Variants in BMPR2 observed in about 807,000 individuals in gnomAD.
BMPR2 encodes bone morphogenetic protein receptor type 2, also known as bone morphogenetic protein receptor type-2.
BMPR2 carries 29 observed loss-of-function variants against 100.8 expected under a neutral mutation model. The ratio of observed to expected loss-of-function variants is 0.29; its 90% CI spans 0.21 to 0.39. BMPR2 has a LOEUF of 0.39. Ranked by LOEUF, BMPR2 falls within the 10% of genes least tolerant of loss-of-function variation. The pLI, the probability that BMPR2 is intolerant of heterozygous loss-of-function variation, is 1.00. For synonymous variants in BMPR2, 382 were observed against 442.3 expected (o/e 0.86, Z 1.71); for missense variants, 1,011 against 1,274.5 (o/e 0.79, Z 3.15).
In BMPR2 at chr2:202,398,944, C is replaced by T. The variant is rs147983817; in HGVS notation, c.76+21394C>T. ...GGGAGTTCGAGATCAGTGTGATCAACATTGAGAAACCCCGTCTCTACTAAA... is the reference window on the plus strand; with the variant it reads ...GGGAGTTCGAGATCAGTGTGATCAATATTGAGAAACCCCGTCTCTACTAAA... On this transcript the variant is annotated intron_variant, in intron 1 of 12. Transcript: ENST00000374580. Among the ~76,000 whole-genome samples, 38 of 152,166 alleles carry T rather than the reference C, an allele frequency of 2.5e-4. No individual in the cohort carries two copies. In the East Asian group the frequency reaches 3.9e-3, roughly 15 times the overall value.
intron 3 of BMPR2, among the ~76,000 whole-genome samples, chr2:202,477,124 G>A (rs1445108729): frequency 6.6e-6 from 1 of 152,096 alleles, no homozygotes; most frequent in East Asian, 1.9e-4. Flanking sequence ...TAGCCTCTGT[G>A]CATCAATTAC....
At chr2:202,453,438 A>G (rs1238708138) in intron 1 of BMPR2, among the ~76,000 whole-genome samples, 1 of 152,182 alleles carries the variant, frequency 6.6e-6, no homozygotes, top group East Asian at 1.9e-4. Context: ...GAATGAATAA[A>G]GAAAATGTGG....
At chr2:202,388,612 G>A (rs771297759) in intron 1 of BMPR2, among the ~76,000 whole-genome samples, 2 of 151,186 alleles carry the variant, frequency 1.3e-5, no homozygotes, top group South Asian at 2.1e-4. Flanking sequence ...GTGAAACCCC[G>A]TCTCTACAAC....
intron 1 of BMPR2, among the ~76,000 whole-genome samples, chr2:202,435,388 T>C (rs1448804875): frequency 1.4e-5 from 2 of 139,066 alleles, no homozygotes; most frequent in African/African-American, 5.7e-5. Flanking sequence ...TATATATATA[T>C]ATATATATAT....
At chr2:202,493,442 C>T (rs929275064) in intron 3 of BMPR2, among the ~76,000 whole-genome samples, 2 of 151,904 alleles carry the variant, frequency 1.3e-5, no homozygotes, top group Non-Finnish European at 2.9e-5. Context: ...CTTTATTCTT[C>T]GATGAAATGT....
At chr2:202,434,908 A>AATATATAGATATATAT (rs1691580710) in intron 1 of BMPR2, among the ~76,000 whole-genome samples, 1 of 38,414 alleles carries the variant, frequency 2.6e-5, no homozygotes, top group Non-Finnish European at 4.4e-5. Flanking sequence ...AAAAAAAAAA[A>AATATATAGATATATAT]ATATATATAT....
intron 1 of BMPR2, among the ~76,000 whole-genome samples, chr2:202,458,282 G>GAAAAAAAAAA (rs1559044718): frequency 2.2e-5 from 1 of 45,428 alleles, no homozygotes; most frequent in African/African-American, 8.2e-5. Context: ...CCTTGTCTCT[G>GAAAAAAAAAA]CAAAAAAAAA....
Position 202,383,594 on chromosome 2 carries a change from A to G in BMPR2, c.76+6044A>G, listed in dbSNP as rs551848886. On this transcript the variant is annotated intron_variant, in intron 1 of 12. Transcript: ENST00000374580. ...ACTCGGGAGGCTGAGGCATCGCTTG[A>G]ACCTGGGAAGCGGAGGTTGTGGTGA... Among the ~76,000 whole-genome samples, 8 of 151,616 alleles carry G rather than the reference A, an allele frequency of 5.3e-5. No individual in the cohort carries two copies. In the East Asian group the frequency reaches 1.6e-3, roughly 30 times the overall value.
chr2:202,549,088 C>G lies in BMPR2; in HGVS notation c.1414-3628C>G, dbSNP rs531091083. 6.6e-5 allele frequency among the ~76,000 whole-genome samples: 10 copies of G among 152,178 alleles called. 1 individual carries two copies. The South Asian group carries it at 1.9e-3, about 28-fold the overall frequency. On this transcript the variant is annotated intron_variant, in intron 10 of 12. Transcript: ENST00000374580. ...GCAACCACTGATCTGCTTTCTGTCA[C>G]TAGAGATTAGTTTACATTTTCTAGA...
rs564251250 is a variant in BMPR2, at chr2:202,514,983, A to C, written c.621+4A>C. 31 of 1,613,654 alleles carry C rather than the reference A, an allele frequency of 1.9e-5. No individual in the cohort carries two copies. The South Asian group carries it at 3.2e-4, about 17-fold the overall frequency. On this transcript the variant is annotated splice_donor_region_variant and intron_variant, in intron 5 of 12. Transcript: ENST00000374580. Reference sequence around the variant, plus strand: ...AGATAATCTGAAACTGTTGGAGGTAAGTTTGCCGTTAGATTATGGACTGTT... The same window carrying C: ...AGATAATCTGAAACTGTTGGAGGTACGTTTGCCGTTAGATTATGGACTGTT...
chr2:202,463,969 G>C (rs920683923), intron 1 of BMPR2, among the ~76,000 whole-genome samples: 1 of 152,000 alleles, frequency 6.6e-6, no homozygotes, highest in Non-Finnish European at 1.5e-5. Flanking sequence ...GGACCAGCCT[G>C]ACCAACATGG....
chr2:202,426,830 T>C (rs1206587914), intron 1 of BMPR2, among the ~76,000 whole-genome samples: 1 of 152,144 alleles, frequency 6.6e-6, no homozygotes, highest in African/African-American at 2.4e-5. Context: ...TTCAGTGAGC[T>C]ATGACAGTGC....
chr2:202,436,451 A>G (rs890658271), intron 1 of BMPR2, among the ~76,000 whole-genome samples: 2 of 150,572 alleles, frequency 1.3e-5, no homozygotes, highest in Non-Finnish European at 1.5e-5. Flanking sequence ...GTCTCAAGAA[A>G]AAAAAACAAC....
chr2:202,527,655 C>T (rs887808506), intron 7 of BMPR2, among the ~76,000 whole-genome samples: 4 of 151,310 alleles, frequency 2.6e-5, no homozygotes, highest in Non-Finnish European at 4.4e-5. Flanking sequence ...GGCGCGGTGG[C>T]GGGCGCCTGT....
intron 1 of BMPR2, among the ~76,000 whole-genome samples, chr2:202,390,624 G>A (rs2105902516): frequency 6.6e-6 from 1 of 152,146 alleles, no homozygotes; most frequent in East Asian, 1.9e-4. Context: ...GAGCCACCGT[G>A]CTTGGCCGAG....
intron 2 of BMPR2, among the ~76,000 whole-genome samples, chr2:202,465,794 A>C (rs1302873643): frequency 6.6e-6 from 1 of 152,110 alleles, no homozygotes; most frequent in East Asian, 1.9e-4. Context: ...CGGAGCTTGC[A>C]GTGAGCCGAG....
Position 202,518,838 on chromosome 2 carries a change from G to A in BMPR2, c.638G>A (p.Arg213Gln), listed in dbSNP as rs763757383. 55 of 1,614,046 alleles carry A rather than the reference G, an allele frequency of 3.4e-5. No homozygotes were observed. Among genetic ancestry groups the A allele is most frequent in the Non-Finnish European group, 4.2e-5 (49 of 1,180,030 alleles). The change falls in exon 6 of 13, where the codon CGA becomes CAA. Residue 213 changes from arginine to glutamine, a missense_variant. By Grantham distance (43) the Arg-to-Gln change is conservative. Coordinates refer to ENST00000374580, the MANE Select transcript of BMPR2 (RefSeq NM_001204.7). ...CACTTGCAGCTGATTGGCCGAGGTC[G>A]ATATGGAGCAGTATATAAAGGCTCC... ...LKLLELIGRG[R>Q]YGAVYKGSLD...
At chr2:202,377,646 T>C (rs1177494970) in intron 1 of BMPR2, 96 bp downstream of exon 1, 2 of 1,417,820 alleles carry the variant, frequency 1.4e-6, no homozygotes, top group Non-Finnish European at 2.0e-6. Context: ...CCCTTCGCCA[T>C]GCGTCCCCCC....
At chr2:202,491,270 TG>T (rs1352097871) in intron 3 of BMPR2, among the ~76,000 whole-genome samples, 1 of 152,082 alleles carries the variant, frequency 6.6e-6, no homozygotes, top group African/African-American at 2.4e-5. Context: ...TTGTCTAGGC[TG>T]GTCTTGAACT....
Sources: gnomAD v4.1 joint callset for allele counts (sites outside exome capture counted in the v4.1 genomes callset) on GRCh38, gnomAD v4.1.1 for gene constraint, MANE v1.5 for transcripts, NCBI Gene and HGNC (gene_info 2026-07-23, HGNC 2026-07-21) for gene names.